The following ANKRD45 variants were observed in gnomAD, a reference collection of about 807,000 sequenced individuals.
The protein encoded by ANKRD45 is ankyrin repeat domain 45.
Under a neutral mutation model 28.1 loss-of-function variants are expected in ANKRD45, and 21 were observed. The observed-to-expected ratio is 0.75, with a 90% CI of 0.53 to 1.08. The LOEUF is 1.08. Ranked by LOEUF, ANKRD45 falls within the 50% of genes least tolerant of loss-of-function variation. The pLI is 0.00. For synonymous variants in ANKRD45, 86 were observed against 103.9 expected, an observed-to-expected ratio of 0.83 and a Z score of 1.05; for missense variants, 261 against 308.7, an observed-to-expected ratio of 0.85 and a Z score of 1.16.
chr1:173,621,002 C>G lies in ANKRD45; in HGVS notation c.730+3785G>C, dbSNP rs111629713. Among the ~76,000 whole-genome samples, 1,292 of 152,204 alleles carry G rather than the reference C, an allele frequency of 8.5e-3. 18 individuals carry two copies. Among genetic ancestry groups the G allele is most frequent in the African/African-American group, 0.029 (1,210 of 41,532 alleles). ...TATCACCACTGATTCCACATCAAAACAACCATCAGACAAACTATAAACAAT... is the reference window on the plus strand; with the variant it reads ...TATCACCACTGATTCCACATCAAAAGAACCATCAGACAAACTATAAACAAT... On this transcript the variant is annotated intron_variant, in intron 5 of 5. Transcript: ENST00000333279.
the ANKRD45 span, among the ~76,000 whole-genome samples, chr1:173,698,751 T>A: frequency 1.3e-5 from 2 of 151,854 alleles, no homozygotes; most frequent in East Asian, 1.9e-4. Context: ...AACATCAAAA[T>A]TAAAAGAACT....
At chr1:173,651,910 G>A (rs145793295) in intron 2 of ANKRD45, among the ~76,000 whole-genome samples, 1,779 of 152,242 alleles carry the variant, frequency 0.012, 43 homozygotes, top group African/African-American at 0.041. Context: ...TGTTATTGGC[G>A]TATAGGAATG....
chr1:173,660,320 G>T (rs1198063919), intron 1 of ANKRD45, among the ~76,000 whole-genome samples: 1 of 152,102 alleles, frequency 6.6e-6, no homozygotes, highest in Admixed American at 6.6e-5. Context: ...TGGCATCACT[G>T]TTCACAACAG....
chr1:173,675,442 G>A, the ANKRD45 span: 7 of 224,148 alleles, frequency 3.1e-5, no homozygotes, highest in East Asian at 3.4e-4. Flanking sequence ...GCAAAACCCC[G>A]TATCTACTAA....
chr1:173,614,965 C>T (rs1188574539), intron 5 of ANKRD45, among the ~76,000 whole-genome samples: 12 of 152,098 alleles, frequency 7.9e-5, no homozygotes, highest in Admixed American at 3.3e-4. Context: ...GACAGGTGCA[C>T]GCCACCGCAT....
chr1:173,614,843 G>A (rs187616968), intron 5 of ANKRD45, among the ~76,000 whole-genome samples: 1 of 151,606 alleles, frequency 6.6e-6, no homozygotes, highest in East Asian at 1.9e-4. Context: ...TTTTGAGACA[G>A]AGTGTAGCTG....
intron 5 of ANKRD45, among the ~76,000 whole-genome samples, chr1:173,611,240 C>T (rs1030481631): frequency 6.6e-6 from 1 of 152,154 alleles, no homozygotes; most frequent in African/African-American, 2.4e-5. Context: ...GGCTATCCAT[C>T]CTCTCAGGAA....
intron 3 of ANKRD45, chr1:173,635,836 C>T: frequency 1.3e-6 from 2 of 1,520,718 alleles, no homozygotes; most frequent in Non-Finnish European, 1.8e-6. Context: ...GGAAGAAACA[C>T]CAAAAAAAGG....
chr1:173,676,392 C>T, the ANKRD45 span, among the ~76,000 whole-genome samples: 1 of 152,068 alleles, frequency 6.6e-6, no homozygotes, highest in South Asian at 2.1e-4. Flanking sequence ...TTTCTTGACT[C>T]TGAAAAACAA....
chr1:173,700,351 C>T, the ANKRD45 span, among the ~76,000 whole-genome samples: 1 of 152,294 alleles, frequency 6.6e-6, no homozygotes, highest in South Asian at 2.1e-4. Context: ...CAAAAAAGAG[C>T]TTGCATTGCC....
Position 173,659,111 on chromosome 1 carries a change from A to G in ANKRD45, c.308T>C (p.Leu103Pro), listed in dbSNP as rs1285316214. Residue 103 changes from leucine to proline, a missense_variant, in exon 2 of 6, where the codon CTG (leucine) becomes CCG (proline). By Grantham distance (98) the Leu-to-Pro change is moderately conservative. Coordinates refer to ENST00000333279, the MANE Select transcript of ANKRD45 (RefSeq NM_198493.3). The stretch of plus-strand genomic sequence containing the variant: ...AATACCTCTGGTGGTTTTTTCATTC[A>G]GATTCACACCATATTTTGCCAAAGC... ...IRALAKYGVNLNEKTTRGYTL... is the reference protein window; with the variant it reads ...IRALAKYGVNPNEKTTRGYTL... 1.2e-6 allele frequency: 2 copies of G among 1,612,868 alleles called. No homozygotes were observed. The highest frequency in any genetic ancestry group is 3.4e-5 in the Admixed American group (2 of 59,578).
intron 3 of ANKRD45, among the ~76,000 whole-genome samples, chr1:173,638,673 T>A (rs573598772): frequency 6.6e-6 from 1 of 152,070 alleles, no homozygotes; most frequent in Admixed American, 6.5e-5. Context: ...TGGGGGGAGA[T>A]TAACTGTAAG....
At chr1:173,708,927 A>G in the ANKRD45 span, among the ~76,000 whole-genome samples, 1 of 152,190 alleles carries the variant, frequency 6.6e-6, no homozygotes, top group African/African-American at 2.4e-5. Flanking sequence ...ACCACCCTGT[A>G]AGCACCCTAG....
chr1:173,679,829 G>T, the ANKRD45 span, among the ~76,000 whole-genome samples: 1 of 152,086 alleles, frequency 6.6e-6, no homozygotes, highest in Non-Finnish European at 1.5e-5. Context: ...AACCTACAAA[G>T]AACTTAAATT....
chr1:173,641,044 A>G (rs1482206414), intron 3 of ANKRD45, among the ~76,000 whole-genome samples: 1 of 152,132 alleles, frequency 6.6e-6, no homozygotes, highest in African/African-American at 2.4e-5. Flanking sequence ...GATATGCATT[A>G]TTCCCCAGTC....
At chr1:173,626,722 A>C (rs1295949883) in intron 4 of ANKRD45, among the ~76,000 whole-genome samples, 1 of 152,012 alleles carries the variant, frequency 6.6e-6, no homozygotes, top group Non-Finnish European at 1.5e-5. Context: ...TAAATTATAT[A>C]GTTTGATATT....
chr1:173,647,007 G>A lies in ANKRD45; in HGVS notation c.335C>T (p.Thr112Ile), dbSNP rs1668964774. Residue 112 changes from threonine to isoleucine, a missense_variant, in exon 3 of 6, where the codon ACA becomes ATA. By Grantham distance (89) the Thr-to-Ile change is moderately conservative (BLOSUM62 -1). Coordinates refer to ENST00000333279, the MANE Select transcript of ANKRD45 (RefSeq NM_198493.3). ...CCAGGCTGCAGCACAATGTAAGAGT[G>A]TGTACCCTAACAAATGGAATGAAGA... ...NLNEKTTRGY[T>I]LLHCAAAWGR... is the part of the protein sequence containing the mutation. The A allele has an allele frequency of 1.9e-6, 3 of 1,612,888 alleles. No individual in the cohort carries two copies. Among genetic ancestry groups the A allele is most frequent in the African/African-American group, 1.3e-5 (1 of 74,880 alleles).
chr1:173,610,579 A>G (rs192050762), intron 5 of ANKRD45, among the ~76,000 whole-genome samples: 108 of 152,252 alleles, frequency 7.1e-4, no homozygotes, highest in African/African-American at 2.5e-3. Context: ...TGCTTAGAGA[A>G]CATGTGATAT....
chr1:173,691,609 C>A, the ANKRD45 span, among the ~76,000 whole-genome samples: 1 of 152,088 alleles, frequency 6.6e-6, no homozygotes, highest in Non-Finnish European at 1.5e-5. Flanking sequence ...CACGGTGAAA[C>A]CCCGTCTCTA....
Sources: gnomAD v4.1 joint callset for allele counts (sites outside exome capture counted in the v4.1 genomes callset) on GRCh38, gnomAD v4.1.1 for gene constraint, MANE v1.5 for transcripts, NCBI Gene and HGNC (gene_info 2026-07-23, HGNC 2026-07-21) for gene names.